The following ANOS1 variants were observed in gnomAD, a reference collection of about 807,000 sequenced individuals.
ANOS1 encodes the protein anosmin 1, also known as anosmin-1.
ANOS1 carries 6 observed loss-of-function variants against 59.0 expected under a neutral mutation model. That is an observed-to-expected ratio of 0.10 (90% CI 0.06 to 0.20). ANOS1 has a LOEUF of 0.20. Among genes scored for constraint, ANOS1 ranks in the 10% least tolerant of loss-of-function variants. ANOS1 has a pLI of 1.00. For synonymous variants in ANOS1, 217 were observed against 223.4 expected (o/e 0.97, Z 0.25); for missense variants, 433 against 542.3 (o/e 0.80, Z 2.00).
At chrX:8,607,377 A>G (rs1930960897) in intron 3 of ANOS1, among the ~76,000 whole-genome samples, 1 of 112,190 alleles carries the variant, frequency 8.9e-6, no homozygotes, top group Middle Eastern at 4.2e-3. Context: ...AAATTAGGAG[A>G]AAAGCAGAAA....
intron 3 of ANOS1, among the ~76,000 whole-genome samples, chrX:8,619,381 G>A (rs1006939426): frequency 7.2e-5 from 8 of 111,416 alleles, no homozygotes; most frequent in East Asian, 2.8e-4. Flanking sequence ...CAAGGCGGGC[G>A]GATCACAAGG....
intron 2 of ANOS1, among the ~76,000 whole-genome samples, chrX:8,661,884 T>A (rs1932045280): frequency 9.0e-6 from 1 of 110,692 alleles, no homozygotes; most frequent in African/African-American, 3.3e-5. Flanking sequence ...GGGACGGACA[T>A]CAAACAGGAG....
chrX:8,703,590 A>C (rs1241222992), intron 1 of ANOS1, among the ~76,000 whole-genome samples: 2 of 111,693 alleles, frequency 1.8e-5, no homozygotes, highest in Non-Finnish European at 3.8e-5. Flanking sequence ...TAAACAACAC[A>C]ACAGGAAAAG....
intron 4 of ANOS1, among the ~76,000 whole-genome samples, chrX:8,588,269 C>T (rs962269615): frequency 9.0e-6 from 1 of 111,275 alleles, no homozygotes; most frequent in African/African-American, 3.3e-5. Flanking sequence ...ATCTCTAGAG[C>T]AATCATTTCA....
intron 2 of ANOS1, among the ~76,000 whole-genome samples, chrX:8,696,364 A>G (rs973194496): frequency 8.9e-6 from 1 of 112,414 alleles, no homozygotes; most frequent in Non-Finnish European, 1.9e-5. Context: ...GAAGCAATGG[A>G]GCTTGGGGAA....
intron 9 of ANOS1, among the ~76,000 whole-genome samples, chrX:8,542,725 C>A (rs1929708892): frequency 9.0e-6 from 1 of 111,027 alleles, no homozygotes; most frequent in South Asian, 3.9e-4. Context: ...TCAAAGTCAA[C>A]AACACTGGGC....
At chrX:8,607,484 G>A (rs1200856780) in intron 3 of ANOS1, among the ~76,000 whole-genome samples, 1 of 111,485 alleles carries the variant, frequency 9.0e-6, no homozygotes, top group Non-Finnish European at 1.9e-5. Context: ...CCTTCTTCCT[G>A]GCCTGGCTCT....
At chrX:8,594,741 T>G (rs1261452082) in intron 4 of ANOS1, among the ~76,000 whole-genome samples, 3 of 82,484 alleles carry the variant, frequency 3.6e-5, no homozygotes, top group Non-Finnish European at 6.8e-5. Flanking sequence ...TATATGTGTA[T>G]ATATATATAC....
intron 6 of ANOS1, among the ~76,000 whole-genome samples, 195 bp downstream of exon 6, chrX:8,585,072 C>A (rs1292736306): frequency 2.7e-5 from 3 of 112,050 alleles, no homozygotes; most frequent in Non-Finnish European, 5.6e-5. Context: ...TGATATACTG[C>A]AGGTAAAATT....
intron 1 of ANOS1, among the ~76,000 whole-genome samples, chrX:8,722,750 T>G (rs1425371537): frequency 8.9e-6 from 1 of 112,491 alleles, no homozygotes; most frequent in Non-Finnish European, 1.9e-5. Context: ...GATTGCTGGA[T>G]CAAATGGTAG....
At chrX:8,619,533 G>A (rs1315750628) in intron 3 of ANOS1, among the ~76,000 whole-genome samples, 2 of 111,594 alleles carry the variant, frequency 1.8e-5, no homozygotes, top group Non-Finnish European at 3.8e-5. Flanking sequence ...GAACCTGGGA[G>A]GCAGAGGTTG....
At chrX:8,713,706 G>A (rs1469499361) in intron 1 of ANOS1, among the ~76,000 whole-genome samples, 1 of 108,257 alleles carries the variant, frequency 9.2e-6, no homozygotes, top group Admixed American at 9.8e-5. Context: ...TCCGCCTCCC[G>A]GGTTCAAGTG....
chrX:8,607,717 T>C (rs749677639), intron 3 of ANOS1, among the ~76,000 whole-genome samples: 2 of 111,760 alleles, frequency 1.8e-5, no homozygotes, highest in African/African-American at 3.3e-5. Flanking sequence ...GCCAATGCAA[T>C]GTTCAGCCCA....
chrX:8,711,094 C>A (rs1932809719), intron 1 of ANOS1, among the ~76,000 whole-genome samples: 1 of 112,065 alleles, frequency 8.9e-6, no homozygotes, highest in South Asian at 3.7e-4. Context: ...TCCAATAAAC[C>A]TCAAAATTAC....
At chrX:8,581,159 CCCACATG>C (rs201506446) in intron 6 of ANOS1, among the ~76,000 whole-genome samples, 7,396 of 111,076 alleles carry the variant, frequency 0.067, 597 homozygotes, top group African/African-American at 0.22. Context: ...TCCCAGAATT[CCCACATG>C]TTGTGGGAGG....
chrX:8,678,069 C>T (rs1602020484), intron 2 of ANOS1, among the ~76,000 whole-genome samples: 1 of 112,352 alleles, frequency 8.9e-6, no homozygotes, highest in Non-Finnish European at 1.9e-5. Flanking sequence ...AATGACCTGA[C>T]CCGCAAGCTC....
At chrX:8,576,471 C>T (rs993574207) in intron 6 of ANOS1, among the ~76,000 whole-genome samples, 46 of 97,767 alleles carry the variant, frequency 4.7e-4, no homozygotes, top group African/African-American at 1.8e-3. Context: ...TATATATACA[C>T]ACACACACAC....
rs1364791799 is a variant in ANOS1 at position 8,568,247 on chromosome X, G to A, written c.1192C>T (p.His398Tyr). The A allele has an allele frequency of 8.3e-7, 1 of 1,210,644 alleles. No individual in the cohort carries two copies. The highest frequency in any genetic ancestry group is 2.2e-5 in the Admixed American group (1 of 45,983). Residue 398 changes from histidine to tyrosine, a missense_variant, in exon 8 of 14, where the codon CAT (histidine) becomes TAT (tyrosine). His to Tyr is a moderately conservative substitution (Grantham distance 83). Transcript: ENST00000262648. Reference protein sequence around the residue: ...AKVSLHFTSTHATNNKEQLVK... With the variant: ...AKVSLHFTSTYATNNKEQLVK... ...AGTCACTTACTGTTGTTGGTTGCAT[G>A]TGTCGATGTGAAGTGAAGGGACACC...
At chrX:8,665,648 G>A (rs1381123943) in intron 2 of ANOS1, among the ~76,000 whole-genome samples, 2 of 111,956 alleles carry the variant, frequency 1.8e-5, no homozygotes, top group African/African-American at 6.5e-5. Context: ...TACTCAGTAT[G>A]GATGTAAATA....
Sources: allele counts gnomAD v4.1 joint callset (sites outside exome capture counted in the v4.1 genomes callset), GRCh38; gene constraint gnomAD v4.1.1; transcripts MANE v1.5; gene names NCBI Gene and HGNC (gene_info 2026-07-23, HGNC 2026-07-21).